Variants in BBS9 observed in about 807,000 individuals in gnomAD.
The protein encoded by BBS9 is protein PTHB1.
Under a neutral mutation model 117.7 loss-of-function variants are expected in BBS9, and 89 were observed. The observed-to-expected ratio is 0.76, with a 90% CI of 0.64 to 0.90. The LOEUF (loss-of-function observed/expected upper bound fraction) is 0.90, where lower values mean the gene tolerates loss of function less well. BBS9 is among the 40% of genes least tolerant of loss of function. The pLI, the probability that BBS9 is intolerant of heterozygous loss-of-function variation, is 0.00. For synonymous variants in BBS9, 379 were observed against 370.9 expected (o/e 1.02, Z -0.25); for missense variants, 982 against 1,042.2 (o/e 0.94, Z 0.80).
At chr7:33,310,702 C>T (rs932284394) in intron 9 of BBS9, among the ~76,000 whole-genome samples, 1 of 152,158 alleles carries the variant, frequency 6.6e-6, no homozygotes, top group Non-Finnish European at 1.5e-5. Flanking sequence ...ATAACCGGAG[C>T]AGGAAGTGTT....
chr7:33,496,847 T>G (rs527732094), intron 19 of BBS9, among the ~76,000 whole-genome samples: 33 of 152,340 alleles, frequency 2.2e-4, no homozygotes, highest in African/African-American at 7.9e-4. Flanking sequence ...TGCCGTTTCT[T>G]TTTCATTTGA....
intron 20 of BBS9, among the ~76,000 whole-genome samples, chr7:33,522,161 G>T (rs1585111413): frequency 6.6e-6 from 1 of 151,916 alleles, no homozygotes; most frequent in Non-Finnish European, 1.5e-5. Flanking sequence ...GGACATTTGG[G>T]TTGGTTCCAA....
Position 33,388,078 on chromosome 7 carries a change from A to T in BBS9, c.2049A>T (p.Arg683Ser). 1 of 1,614,172 alleles carries T rather than the reference A, an allele frequency of 6.2e-7. No individual in the cohort carries two copies. The highest frequency in any genetic ancestry group is 8.5e-7 in the Non-Finnish European group (1 of 1,180,020). The change falls in exon 19 of 23, where the codon AGA becomes AGT. Residue 683 changes from arginine (R) to serine (S), a missense_variant. Arg to Ser is a moderately radical substitution (Grantham distance 110). Coordinates refer to ENST00000242067, the MANE Select transcript of BBS9 (RefSeq NM_198428.3). ...FRAIQRRLLA[R>S]FKDKTPAPLQ... ...CCATTCAACGCCGGCTACTAGCAAG[A>T]TTCAAAGATAAAACTCCTGCCCCTC...
chr7:33,434,706 A>G (rs1221359137), intron 19 of BBS9, among the ~76,000 whole-genome samples: 4 of 152,132 alleles, frequency 2.6e-5, no homozygotes, highest in Admixed American at 2.0e-4. Context: ...TTAATTTTGT[A>G]TTTACAATTA....
At chr7:33,356,946 ATTATC>A (rs1171344637) in intron 15 of BBS9, among the ~76,000 whole-genome samples, 2 of 151,810 alleles carry the variant, frequency 1.3e-5, no homozygotes, top group Non-Finnish European at 3.0e-5. Context: ...GCTTCTATAT[ATTATC>A]TTTCATCTTA....
At chr7:33,446,795 T>G (rs1189842376) in intron 19 of BBS9, among the ~76,000 whole-genome samples, 1 of 152,180 alleles carries the variant, frequency 6.6e-6, no homozygotes, top group Admixed American at 6.5e-5. Context: ...CTTTTCCATT[T>G]CCTTTGTCTG....
At chr7:33,249,469 T>C (rs931565745) in intron 5 of BBS9, among the ~76,000 whole-genome samples, 3 of 152,086 alleles carry the variant, frequency 2.0e-5, no homozygotes, top group Non-Finnish European at 4.4e-5. Flanking sequence ...AATGGAACTT[T>C]TCTGCCTCTA....
rs755674949 is a variant in BBS9 at position 33,505,529 on chromosome 7, A to C, written c.2182A>C (p.Lys728Gln). Residue 728 changes from lysine (K) to glutamine (Q), a missense_variant, in exon 20 of 23, where the codon AAG becomes CAG. Lys to Gln is a moderately conservative substitution (Grantham distance 53, BLOSUM62 1). Transcript: ENST00000242067. ...GNLFQSFTRL[K>Q]SATHLVILLI... ...TCTGTTCCAGTCATTCACCAGGCTG[A>C]AGAGTGCCACCCATTTGGTGATTCT... 1.2e-6 allele frequency: 2 copies of C among 1,614,166 alleles called. No individual in the cohort carries two copies. The highest frequency in any genetic ancestry group is 1.7e-6 in the Non-Finnish European group (2 of 1,179,996).
chr7:33,389,787 A>C (rs1160905457), intron 19 of BBS9, among the ~76,000 whole-genome samples: 1 of 151,956 alleles, frequency 6.6e-6, no homozygotes, highest in Non-Finnish European at 1.5e-5. Context: ...TGGAAAGAAC[A>C]CTGGGCTTGG....
At chr7:33,485,090 C>G (rs368243406) in intron 19 of BBS9, among the ~76,000 whole-genome samples, 1 of 152,002 alleles carries the variant, frequency 6.6e-6, no homozygotes, top group Non-Finnish European at 1.5e-5. Context: ...GGGAGCTGAA[C>G]GATGAGAACA....
At chr7:33,439,807 G>A (rs560440880) in intron 19 of BBS9, among the ~76,000 whole-genome samples, 12 of 152,158 alleles carry the variant, frequency 7.9e-5, no homozygotes, top group Non-Finnish European at 1.3e-4. Context: ...GATTACAGGC[G>A]TGAGCCACTG....
chr7:33,606,514 A>G (rs768735688), downstream of BBS9, among the ~76,000 whole-genome samples: 19 of 152,202 alleles, frequency 1.2e-4, no homozygotes, highest in Admixed American at 4.6e-4. Context: ...TGGAAAATAT[A>G]TAACTTATGG....
chr7:33,216,148 G>A (rs1294112150), intron 5 of BBS9, among the ~76,000 whole-genome samples: 2 of 152,140 alleles, frequency 1.3e-5, no homozygotes, highest in Non-Finnish European at 2.9e-5. Flanking sequence ...AGGCCACTGG[G>A]CTTTCTGTGT....
At chr7:33,284,290 G>T (rs115398895) in intron 9 of BBS9, among the ~76,000 whole-genome samples, 119 of 152,178 alleles carry the variant, frequency 7.8e-4, no homozygotes, top group African/African-American at 2.8e-3. Context: ...TTTTTTGGGA[G>T]GTGGTAGTTA....
intron 19 of BBS9, among the ~76,000 whole-genome samples, chr7:33,455,880 AAAG>A (rs1278355282): frequency 6.6e-6 from 1 of 152,338 alleles, no homozygotes; most frequent in East Asian, 1.9e-4. Flanking sequence ...CGATATTAAA[AAAG>A]AAGAAATTGT....
At chr7:33,488,379 G>A (rs1169053324) in intron 19 of BBS9, among the ~76,000 whole-genome samples, 1 of 152,154 alleles carries the variant, frequency 6.6e-6, no homozygotes, top group East Asian at 1.9e-4. Flanking sequence ...ATAAAAGGGG[G>A]ACTTAGGTGC....
At chr7:33,350,192 C>T (rs539253191) in intron 13 of BBS9, among the ~76,000 whole-genome samples, 2 of 152,220 alleles carry the variant, frequency 1.3e-5, no homozygotes, top group South Asian at 4.2e-4. Flanking sequence ...TCTGCTAAGG[C>T]TTCTATCTCT....
intron 5 of BBS9, among the ~76,000 whole-genome samples, chr7:33,241,651 A>T (rs1425718864): frequency 6.6e-6 from 1 of 151,802 alleles, no homozygotes; most frequent in African/African-American, 2.4e-5. Flanking sequence ...GGATTTTTTT[A>T]GATTTATTTG....
chr7:33,539,032 T>C (rs975770395), intron 21 of BBS9, among the ~76,000 whole-genome samples: 1 of 152,230 alleles, frequency 6.6e-6, no homozygotes, highest in Non-Finnish European at 1.5e-5. Context: ...AAATTCTCAC[T>C]AAGTGTGAGC....
Sources: gnomAD v4.1 joint callset for allele counts (sites outside exome capture counted in the v4.1 genomes callset) on GRCh38, gnomAD v4.1.1 for gene constraint, MANE v1.5 for transcripts, NCBI Gene and HGNC (gene_info 2026-07-23, HGNC 2026-07-21) for gene names.